RCAN1: variants seen among roughly 807,000 people sequenced by gnomAD.
The protein encoded by RCAN1 is calcipressin-1.
In RCAN1, 11 loss-of-function variants were observed where a neutral mutation model predicts 22.9. The observed-to-expected ratio is 0.48, with a 90% CI of 0.30 to 0.79. The LOEUF (loss-of-function observed/expected upper bound fraction) is 0.79, where lower values mean the gene tolerates loss of function less well. Ranked by LOEUF, RCAN1 falls within the 30% of genes least tolerant of loss-of-function variation. The pLI is 0.06. For synonymous variants in RCAN1, 136 were observed against 142.3 expected (o/e 0.96, Z 0.32); for missense variants, 291 against 337.8 (o/e 0.86, Z 1.09).
In RCAN1 at chr21:34,521,418, G is replaced by T. The variant is rs372204362; in HGVS notation, c.586+81C>A. On this transcript the variant is annotated intron_variant, in intron 3 of 3. Coordinates refer to ENST00000313806, the MANE Select transcript of RCAN1 (RefSeq NM_004414.7). ...GGCATGGGCTCAGGAGAGCTACGGG[G>T]GTAGTGGTGGTACTGCTCCCTGGTG... 4.8e-5 allele frequency: 77 copies of T among 1,606,728 alleles called. 1 individual carries two copies. The highest frequency in any genetic ancestry group is 2.9e-4 in the East Asian group (13 of 44,776).
At chr21:34,558,308 A>C (rs1276518763) in intron 1 of RCAN1, among the ~76,000 whole-genome samples, 1 of 152,234 alleles carries the variant, frequency 6.6e-6, no homozygotes, top group Non-Finnish European at 1.5e-5. Flanking sequence ...TCCATGAGAC[A>C]GTCAGAGATG....
chr21:34,526,558 C>T lies in RCAN1; in HGVS notation c.253-2848G>A. The T allele has an allele frequency of 3.3e-6, 4 of 1,197,706 alleles. No individual in the cohort carries two copies. In the South Asian group the frequency reaches 6.6e-5, roughly 20 times the overall value. The allele number at this position is 1,197,706 out of a possible 1,614,324, so 74.2% of individuals were successfully genotyped here. On this transcript the variant is annotated intron_variant, in intron 1 of 3. Coordinates refer to ENST00000313806, the MANE Select transcript of RCAN1 (RefSeq NM_004414.7). ...AGACTTTGGATTTCTTTCAAAACCCCCAAACCCACAAGAGAGCCACATTCT... is the reference window on the plus strand; with the variant it reads ...AGACTTTGGATTTCTTTCAAAACCCTCAAACCCACAAGAGAGCCACATTCT...
At chr21:34,607,886 A>G (rs1200117548) in intron 1 of RCAN1, among the ~76,000 whole-genome samples, 5 of 152,186 alleles carry the variant, frequency 3.3e-5, no homozygotes, top group Non-Finnish European at 1.5e-5. Flanking sequence ...GCAAAGCTTC[A>G]TCTGTATTTA....
chr21:34,614,821 A>C lies in RCAN1; in HGVS notation c.191T>G (p.Leu64Arg). The C allele has an allele frequency of 6.7e-7, 1 of 1,488,502 alleles. No individual in the cohort carries two copies. Among genetic ancestry groups the C allele is most frequent in the Non-Finnish European group, 8.9e-7 (1 of 1,117,648 alleles). The allele number at this position is 1,488,502 out of a possible 1,614,324, so 92.2% of individuals were successfully genotyped here. A position where few individuals can be genotyped will look rare whatever the true frequency, so the allele number is the denominator to read the frequency against. The change falls in exon 1 of 4, where the codon CTG becomes CGG. Residue 64 changes from leucine to arginine, a missense_variant. Coordinates refer to ENST00000313806, the MANE Select transcript of RCAN1 (RefSeq NM_004414.7). The surrounding 1 kb of genome is among the most constrained non-coding windows in gnomAD (Gnocchi z 6.0). ...GTGACAGGCGATGGTGGCGCTGGGC[A>C]GGTCCTGCAGGTCCACCTCCTCCAT... is the stretch of plus-strand genomic sequence containing the variant. ...CEMEEVDLQD[L>R]PSATIACHLD... is the part of the protein sequence containing the mutation.
chr21:34,533,089 T>C (rs907967039), intron 1 of RCAN1, among the ~76,000 whole-genome samples: 1 of 151,132 alleles, frequency 6.6e-6, no homozygotes, highest in Non-Finnish European at 1.5e-5. Flanking sequence ...GCCTCCCGAG[T>C]AGCTGGGACT....
At chr21:34,601,173 C>G (rs1353445883) in intron 1 of RCAN1, among the ~76,000 whole-genome samples, 3 of 152,170 alleles carry the variant, frequency 2.0e-5, no homozygotes, top group African/African-American at 7.2e-5. Flanking sequence ...GGCACTGTCC[C>G]AGGAACAGGT....
intron 1 of RCAN1, among the ~76,000 whole-genome samples, chr21:34,604,936 G>C (rs569317663): frequency 6.6e-6 from 1 of 152,360 alleles, no homozygotes; most frequent in South Asian, 2.1e-4. Context: ...CCTGGTGCCA[G>C]TGTCCAGGCA....
intron 1 of RCAN1, among the ~76,000 whole-genome samples, chr21:34,605,957 G>A (rs1223662054): frequency 6.6e-6 from 1 of 151,470 alleles, no homozygotes; most frequent in Non-Finnish European, 1.5e-5. Flanking sequence ...GAGCAGCACA[G>A]GCTTTAGAGT....
chr21:34,526,737 T>A (rs1312027665), intron 1 of RCAN1: 7 of 1,613,132 alleles, frequency 4.3e-6, no homozygotes, highest in Non-Finnish European at 5.1e-6. Flanking sequence ...TAGTTAAAGT[T>A]TCTAAAATGC....
At chr21:34,611,611 G>A (rs1031909981) in intron 1 of RCAN1, among the ~76,000 whole-genome samples, 16 of 152,154 alleles carry the variant, frequency 1.1e-4, no homozygotes, top group African/African-American at 3.9e-4. Context: ...AGATCCAACA[G>A]ACTGGCTAAG....
In RCAN1 at chr21:34,576,806, T is replaced by C. The variant is rs192595688; in HGVS notation, c.252+37954A>G. 2.6e-4 allele frequency among the ~76,000 whole-genome samples: 39 copies of C among 152,330 alleles called. No homozygotes were observed. In the East Asian group the frequency reaches 2.7e-3, roughly 11 times the overall value. On this transcript the variant is annotated intron_variant, in intron 1 of 3. Transcript: ENST00000313806. Reference sequence around the variant, plus strand: ...TGGAAGAAAATCCAAAGATAGCTAATGGATAATACTTTGTCTTTGGTTCAA... The same window carrying C: ...TGGAAGAAAATCCAAAGATAGCTAACGGATAATACTTTGTCTTTGGTTCAA...
rs140949314 is a variant in RCAN1 at position 34,583,582 on chromosome 21, T to C, written c.252+31178A>G. Among the ~76,000 whole-genome samples, 900 of 152,218 alleles carry C rather than the reference T, an allele frequency of 5.9e-3. 7 individuals carry two copies. Among genetic ancestry groups the C allele is most frequent in the African/African-American group, 0.015 (626 of 41,512 alleles). On this transcript the variant is annotated intron_variant, in intron 1 of 3. Coordinates refer to ENST00000313806, the MANE Select transcript of RCAN1 (RefSeq NM_004414.7). Reference sequence around the variant, plus strand: ...GTGCGTGCACAGAGGGAAGACCATGTGAGGACACAGGGAGAAGGCAGCCGT... The same window carrying C: ...GTGCGTGCACAGAGGGAAGACCATGCGAGGACACAGGGAGAAGGCAGCCGT...
At position 34,614,964 on chromosome 21, in the gene RCAN1, C is replaced by T. The variant is rs1988782066; in HGVS notation, c.48G>A (p.Ala16=). ...GCGCTCGCGCCTCGGCCGCCTCCGC[C>T]GCCTCCGCCGCGGCCCCGAGCTGGG... The part of the protein sequence containing the change: ...AGPQLGAAAE[A]AEAAEARARP... Residue 16 remains alanine, a synonymous_variant, in exon 1 of 4, where the codon GCG becomes GCA. Transcript: ENST00000313806. The surrounding 1 kb of genome is among the most constrained non-coding windows in gnomAD (Gnocchi z 6.0). The T allele has an allele frequency of 3.5e-6, 4 of 1,148,370 alleles. No homozygotes were observed. Among genetic ancestry groups the T allele is most frequent in the Admixed American group, 4.9e-5 (1 of 20,298 alleles). 71.1% of individuals were successfully genotyped at this position (1,148,370 alleles called of 1,614,324 possible). A position where few individuals can be genotyped will look rare whatever the true frequency, so the allele number is the denominator to read the frequency against.
At chr21:34,584,898 A>T (rs1236117227) in intron 1 of RCAN1, among the ~76,000 whole-genome samples, 1 of 152,250 alleles carries the variant, frequency 6.6e-6, no homozygotes, top group Non-Finnish European at 1.5e-5. Flanking sequence ...CGCTTCATGT[A>T]AATCTGTGGC....
chr21:34,517,296 A>G lies in RCAN1; in HGVS notation c.*788T>C, dbSNP rs535461381. The G allele has an allele frequency of 1.5e-4, 23 of 152,386 alleles. No homozygotes were observed. Among genetic ancestry groups the G allele is most frequent in the Admixed American group, 5.2e-4 (8 of 15,310 alleles). The allele number at this position is 152,386 out of a possible 1,614,324, so 9.4% of individuals were successfully genotyped here. The stretch of plus-strand genomic sequence containing the variant: ...ACTAAAAGTTGGCAGTGAAACTGCT[A>G]TTCTCTGAATTGTATAAGCTAAATT... On this transcript the variant is annotated 3_prime_UTR_variant, in exon 4 of 4. Coordinates refer to ENST00000313806, the MANE Select transcript of RCAN1 (RefSeq NM_004414.7).
intron 1 of RCAN1, among the ~76,000 whole-genome samples, chr21:34,542,366 G>A (rs1487721604): frequency 1.3e-5 from 2 of 152,092 alleles, no homozygotes; most frequent in Non-Finnish European, 2.9e-5. Context: ...TTGTTCTCTC[G>A]GGGCACTTCC....
intron 1 of RCAN1, among the ~76,000 whole-genome samples, chr21:34,541,731 G>C (rs747648251): frequency 2.0e-5 from 3 of 152,186 alleles, no homozygotes; most frequent in Non-Finnish European, 2.9e-5. Flanking sequence ...TCAGGAGATA[G>C]AGACCATCCT....
Position 34,546,097 on chromosome 21 carries a change from C to A in RCAN1, c.253-22387G>T, listed in dbSNP as rs1348417817. The stretch of plus-strand genomic sequence containing the variant: ...AATAAGATGAGATTTCTCAGAGATA[C>A]AACATGCTGTTTGACCATCTGAAGG... On this transcript the variant is annotated intron_variant, in intron 1 of 3. Transcript: ENST00000313806. Among the ~76,000 whole-genome samples the A allele has an allele frequency of 2.6e-5, 4 of 152,154 alleles. No individual in the cohort carries two copies. The South Asian group carries it at 6.2e-4, about 24-fold the overall frequency.
intron 1 of RCAN1, among the ~76,000 whole-genome samples, chr21:34,530,071 T>C (rs895936326): frequency 6.6e-6 from 1 of 151,868 alleles, no homozygotes; most frequent in Non-Finnish European, 1.5e-5. Context: ...CTTGGGTATG[T>C]CTTGTCTTTA....
Sources: allele counts gnomAD v4.1 joint callset (sites outside exome capture counted in the v4.1 genomes callset), GRCh38; gene constraint gnomAD v4.1.1; non-coding constraint Gnocchi (gnomAD v3.1); transcripts MANE v1.5; gene names NCBI Gene and HGNC (gene_info 2026-07-23, HGNC 2026-07-21).